The following AFAP1L2 variants were observed in gnomAD, a reference collection of about 807,000 sequenced individuals.
The protein encoded by AFAP1L2 is actin filament associated protein 1 like 2.
Under a neutral mutation model 99.3 loss-of-function variants are expected in AFAP1L2, and 46 were observed. The ratio of observed to expected loss-of-function variants is 0.46; its 90% CI spans 0.37 to 0.59. The LOEUF is 0.59. Among genes scored for constraint, AFAP1L2 ranks in the 20% least tolerant of loss-of-function variants. The pLI is 0.00. For missense variants in AFAP1L2, 959 were observed against 1,034.9 expected (o/e 0.93, Z 1.01); for synonymous variants, 397 against 419.1 (o/e 0.95, Z 0.64).
At chr10:114,360,525 A>T (rs368989391) in intron 1 of AFAP1L2, among the ~76,000 whole-genome samples, 70 of 148,110 alleles carry the variant, frequency 4.7e-4, no homozygotes, top group Middle Eastern at 3.4e-3. Flanking sequence ...AGATAGATAG[A>T]TAGATAGATA....
intron 8 of AFAP1L2, among the ~76,000 whole-genome samples, chr10:114,310,105 TTAG>T (rs954855671): frequency 1.3e-5 from 2 of 152,096 alleles, no homozygotes; most frequent in African/African-American, 4.8e-5. Flanking sequence ...TTTTGTATTT[TTAG>T]TAAAGGCACG....
chr10:114,353,871 A>T (rs2050913474), intron 1 of AFAP1L2, among the ~76,000 whole-genome samples: 2 of 152,170 alleles, frequency 1.3e-5, no homozygotes, highest in East Asian at 3.8e-4. Context: ...GGAAGGGGGA[A>T]TTCCAAAGAC....
chr10:114,360,587 C>A (rs1590543827), intron 1 of AFAP1L2, among the ~76,000 whole-genome samples: 2 of 141,370 alleles, frequency 1.4e-5, no homozygotes, highest in African/African-American at 3.0e-5. Context: ...ATAGACAGAC[C>A]GACCTACTGG....
At chr10:114,355,252 CTCTCT>C (rs1465798680) in intron 1 of AFAP1L2, among the ~76,000 whole-genome samples, 157 of 112,704 alleles carry the variant, frequency 1.4e-3, no homozygotes, top group Non-Finnish European at 1.8e-3. Context: ...TCTTCTCGCT[CTCTCT>C]TTTTTTTTTT....
chr10:114,324,415 C>G, intron 4 of AFAP1L2, among the ~76,000 whole-genome samples: 1 of 145,254 alleles, frequency 6.9e-6, no homozygotes, highest in African/African-American at 2.7e-5. Context: ...CCCCCCCCGG[C>G]TAATTTTTGT....
At chr10:114,371,603 T>G (rs1482647590) in intron 1 of AFAP1L2, among the ~76,000 whole-genome samples, 1 of 150,346 alleles carries the variant, frequency 6.7e-6, no homozygotes, top group Admixed American at 6.6e-5. Context: ...TAAGTGGGAG[T>G]TGAACAATGA....
At chr10:114,366,940 C>T (rs1268664123) in intron 1 of AFAP1L2, among the ~76,000 whole-genome samples, 1 of 152,152 alleles carries the variant, frequency 6.6e-6, no homozygotes. Flanking sequence ...GCACTCCAGC[C>T]TGGGTGACAG....
chr10:114,306,183 G>A (rs1168282552), intron 10 of AFAP1L2, among the ~76,000 whole-genome samples: 2 of 134,056 alleles, frequency 1.5e-5, no homozygotes, highest in East Asian at 2.4e-4. Flanking sequence ...AGGAGGGAGC[G>A]GGGCTGCAGG....
At chr10:114,369,343 C>A (rs1266957605) in intron 1 of AFAP1L2, among the ~76,000 whole-genome samples, 1 of 152,148 alleles carries the variant, frequency 6.6e-6, no homozygotes, top group East Asian at 1.9e-4. Flanking sequence ...CGCCTGTAAT[C>A]CGAGCACTTT....
chr10:114,333,234 C>A lies in AFAP1L2; in HGVS notation c.207G>T (p.Glu69Asp). The A allele has an allele frequency of 6.2e-7, 1 of 1,613,700 alleles. No individual in the cohort carries two copies. Among genetic ancestry groups the A allele is most frequent in the African/African-American group, 1.3e-5 (1 of 75,038 alleles). The change falls in exon 3 of 19, where the codon GAG (glutamate) becomes GAT (aspartate). Residue 69 changes from glutamate to aspartate, a missense_variant. Transcript: ENST00000304129. ...KVTINKQQNA[E>D]SQGKAPEEQG... is the part of the protein sequence containing the mutation. ...CCAGCCTCATACCTTTGCCTTGAGA[C>A]TCTGCATTCTGTTGCTTGTTGATGG...
At chr10:114,357,936 A>G (rs1002240276) in intron 1 of AFAP1L2, among the ~76,000 whole-genome samples, 1 of 152,200 alleles carries the variant, frequency 6.6e-6, no homozygotes, top group Non-Finnish European at 1.5e-5. Context: ...AAGGGCCTTC[A>G]ATGCTAAAAT....
chr10:114,322,061 C>T (rs1459937225), intron 5 of AFAP1L2, among the ~76,000 whole-genome samples: 1 of 152,134 alleles, frequency 6.6e-6, no homozygotes, highest in African/African-American at 2.4e-5. Context: ...CTCACGAGAT[C>T]TGACGGTTTT....
intron 3 of AFAP1L2, 28 bp from the exon 4 acceptor site, chr10:114,331,925 G>A (rs773098080): frequency 5.9e-5 from 75 of 1,268,482 alleles, no homozygotes; most frequent in Admixed American, 8.2e-5. Context: ...AAAAGGCTTC[G>A]GTGAGGGGTG....
chr10:114,322,055 C>A (rs576909718), intron 5 of AFAP1L2, among the ~76,000 whole-genome samples: 1 of 152,100 alleles, frequency 6.6e-6, no homozygotes, highest in South Asian at 2.1e-4. Context: ...ATAAGTCTCA[C>A]GAGATCTGAC....
intron 2 of AFAP1L2, among the ~76,000 whole-genome samples, chr10:114,337,104 C>A (rs1012350778): frequency 1.3e-5 from 2 of 152,212 alleles, no homozygotes; most frequent in African/African-American, 4.8e-5. Context: ...GCTGTAATTT[C>A]AGGTGCGGTA....
chr10:114,347,319 G>T (rs1287795042), intron 1 of AFAP1L2, among the ~76,000 whole-genome samples: 3 of 152,144 alleles, frequency 2.0e-5, no homozygotes, highest in African/African-American at 7.2e-5. Context: ...ATGAGCTTCT[G>T]GAAAAATACA....
Position 114,331,808 on chromosome 10 carries a change from T to G in AFAP1L2, c.310A>C (p.Lys104Gln). 2 of 1,388,698 alleles carry G rather than the reference T, an allele frequency of 1.4e-6. No individual in the cohort carries two copies. The highest frequency in any genetic ancestry group is 1.9e-6 in the Non-Finnish European group (2 of 1,064,558). 86.0% of individuals were successfully genotyped at this position (1,388,698 alleles called of 1,614,324 possible). A position where few individuals can be genotyped will look rare whatever the true frequency, so the allele number is the denominator to read the frequency against. ...GGTCCTGAACTGATGCTTACCATCT[T>G]GGGTGGCGGGAGGTCTGGAAGGCTC... is the stretch of plus-strand genomic sequence containing the variant. Reference protein sequence around the residue: ...QKSLPDLPPPKMIPERKQLAI... With the variant: ...QKSLPDLPPPQMIPERKQLAI... The change falls in exon 4 of 19, where the codon AAG (lysine) becomes CAG (glutamine). Residue 104 changes from lysine (K) to glutamine (Q), a missense_variant. Coordinates refer to ENST00000304129, the MANE Select transcript of AFAP1L2 (RefSeq NM_001001936.3).
intron 10 of AFAP1L2, among the ~76,000 whole-genome samples, chr10:114,306,536 T>C (rs944164727): frequency 1.3e-5 from 2 of 151,884 alleles, no homozygotes; most frequent in African/African-American, 4.8e-5. Context: ...AGCGTGAAAA[T>C]GCACAGCTAC....
rs2040133022 is a variant in AFAP1L2 at position 114,295,891 on chromosome 10, T to C, written c.*151A>G. ...TTTGGCTCTGAAAAGGGACAGAGCC[T>C]CCTCTTAGCTGAAGCTCTCCATTCA... On this transcript the variant is annotated 3_prime_UTR_variant, in exon 19 of 19. Coordinates refer to ENST00000304129, the MANE Select transcript of AFAP1L2 (RefSeq NM_001001936.3). 2 of 1,528,790 alleles carry C rather than the reference T, an allele frequency of 1.3e-6. No homozygotes were observed. The highest frequency in any genetic ancestry group is 1.4e-5 in the African/African-American group (1 of 72,418). 94.7% of individuals were successfully genotyped at this position (1,528,790 alleles called of 1,614,324 possible). A position where few individuals can be genotyped will look rare whatever the true frequency, so the allele number is the denominator to read the frequency against.
Sources: allele counts gnomAD v4.1 joint callset (sites outside exome capture counted in the v4.1 genomes callset), GRCh38; gene constraint gnomAD v4.1.1; transcripts MANE v1.5; gene names NCBI Gene and HGNC (gene_info 2026-07-23, HGNC 2026-07-21).